ANK1: variants seen among roughly 807,000 people sequenced by gnomAD.
ANK1 encodes the protein ankyrin-1.
A neutral mutation model predicts 210.4 loss-of-function variants in ANK1; 51 were observed. The observed-to-expected ratio is 0.24, with a 90% CI of 0.19 to 0.31. The LOEUF is 0.31. ANK1 is among the 10% of genes least tolerant of loss of function. The pLI is 1.00. For synonymous variants in ANK1, 967 were observed against 1,025.9 expected, an observed-to-expected ratio of 0.94 and a Z score of 1.10; for missense variants, 2,051 against 2,504.4, an observed-to-expected ratio of 0.82 and a Z score of 3.86.
At position 41,715,863 on chromosome 8, in the gene ANK1, G is replaced by A; in HGVS notation, c.1405-14C>T. The stretch of plus-strand genomic sequence containing the variant: ...GGTCTGGTCATCCTGGACCCCGAAG[G>A]GAAAACAAAGAAGAAGAAACGCTAA... On this transcript the variant is annotated splice_polypyrimidine_tract_variant and intron_variant, in intron 13 of 42. Coordinates refer to ENST00000289734, the MANE Select transcript of ANK1 (RefSeq NM_000037.4). The A allele has an allele frequency of 1.2e-6, 2 of 1,614,114 alleles. No individual in the cohort carries two copies. Among genetic ancestry groups the A allele is most frequent in the South Asian group, 1.1e-5 (1 of 91,084 alleles).
rs1271715801 is a variant in ANK1, at chr8:41,696,404, G to A, written c.2919C>T (p.Ser973=). The A allele has an allele frequency of 6.2e-7, 1 of 1,613,346 alleles. No homozygotes were observed. The highest frequency in any genetic ancestry group is 8.5e-7 in the Non-Finnish European group (1 of 1,179,918). ...PPLAEEEGLA[S]RIIALGPTGA... ...CCGTGGGCCCCAGTGCTATGATCCT[G>A]CTGGCCAGGCCCTCCTCCTCGGCCA... is the stretch of plus-strand genomic sequence containing the variant. The change falls in exon 26 of 43, where the codon AGC becomes AGT. Residue 973 remains serine (S), a synonymous_variant. Coordinates refer to ENST00000289734, the MANE Select transcript of ANK1 (RefSeq NM_000037.4).
rs1299344771 is a variant in ANK1 at position 41,715,727 on chromosome 8, A to T, written c.1527T>A (p.Ile509=). Reference sequence around the variant, plus strand: ...TTTCCACATGGCCCTCACGGGCTGCAATGTGCAGGGGGGTGTGCCCGGCGG... The same window carrying T: ...TTTCCACATGGCCCTCACGGGCTGCTATGTGCAGGGGGGTGTGCCCGGCGG... ...ATTAGHTPLH[I]AAREGHVETV... The change falls in exon 14 of 43, where the codon ATT becomes ATA. Residue 509 remains isoleucine, a synonymous_variant. Coordinates refer to ENST00000289734, the MANE Select transcript of ANK1 (RefSeq NM_000037.4). The T allele has an allele frequency of 1.2e-6, 2 of 1,614,214 alleles. No individual in the cohort carries two copies. The highest frequency in any genetic ancestry group is 1.7e-6 in the Non-Finnish European group (2 of 1,180,040).
chr8:41,887,644 G>A (rs1474316092), intron 1 of ANK1, among the ~76,000 whole-genome samples: 4 of 152,148 alleles, frequency 2.6e-5, no homozygotes, highest in African/African-American at 9.7e-5. Flanking sequence ...GATGACCACT[G>A]CTCACATAGT....
chr8:41,745,156 AG>A (rs920248428), intron 2 of ANK1, among the ~76,000 whole-genome samples: 1 of 152,106 alleles, frequency 6.6e-6, no homozygotes, highest in African/African-American at 2.4e-5. Context: ...GAGCGGAGGG[AG>A]AAAGAAGAAG....
intron 1 of ANK1, among the ~76,000 whole-genome samples, chr8:41,825,109 C>T (rs1481960113): frequency 6.6e-6 from 1 of 152,260 alleles, no homozygotes; most frequent in Non-Finnish European, 1.5e-5. Flanking sequence ...AGCCCGGCTA[C>T]TTCCAGGTGG....
chr8:41,836,417 A>G (rs929444910), intron 1 of ANK1, among the ~76,000 whole-genome samples: 1 of 152,184 alleles, frequency 6.6e-6, no homozygotes, highest in Non-Finnish European at 1.5e-5. Context: ...GTGACTAGAG[A>G]GGAGGAACTC....
At chr8:41,762,585 G>A (rs1840729896) in intron 1 of ANK1, among the ~76,000 whole-genome samples, 1 of 152,096 alleles carries the variant, frequency 6.6e-6, no homozygotes, top group East Asian at 1.9e-4. Context: ...GGCATCTGTG[G>A]GGCAGGAAAT....
chr8:41,889,839 AGCTT>A (rs954729850), intron 1 of ANK1, among the ~76,000 whole-genome samples: 1 of 152,262 alleles, frequency 6.6e-6, no homozygotes, highest in Non-Finnish European at 1.5e-5. Flanking sequence ...ACTTCAATAA[AGCTT>A]GCAAGTATCT....
At chr8:41,839,059 A>G (rs1297394511) in intron 1 of ANK1, among the ~76,000 whole-genome samples, 1 of 152,140 alleles carries the variant, frequency 6.6e-6, no homozygotes. Context: ...CCTGGGTGAC[A>G]GAGTGAGACT....
intron 1 of ANK1, among the ~76,000 whole-genome samples, chr8:41,885,814 A>G (rs1027161426): frequency 6.6e-6 from 1 of 152,224 alleles, no homozygotes; most frequent in Admixed American, 6.5e-5. Context: ...GTGCAACTCT[A>G]TGGATGTTTC....
rs1047563005 is a variant in ANK1, at chr8:41,757,967, G to A, written c.129+69C>T. 4 of 1,402,198 alleles carry A rather than the reference G, an allele frequency of 2.9e-6. No individual in the cohort carries two copies. In the African/African-American group the frequency reaches 4.2e-5, roughly 15 times the overall value. The allele number at this position is 1,402,198 out of a possible 1,614,324, so 86.9% of individuals were successfully genotyped here. On this transcript the variant is annotated intron_variant, in intron 2 of 42. Coordinates refer to ENST00000289734, the MANE Select transcript of ANK1 (RefSeq NM_000037.4). ...AAAGGTTAATAGAGGCAGTTTCAAA[G>A]CTCTCAGGAAATGGCATCAGGCAAG...
chr8:41,720,309 T>A (rs1481604533), intron 9 of ANK1, among the ~76,000 whole-genome samples: 3 of 152,134 alleles, frequency 2.0e-5, no homozygotes, highest in Non-Finnish European at 2.9e-5. Context: ...GTAACACACA[T>A]CATGGTCCCT....
At chr8:41,802,926 A>AAAGG (rs1850117607) in intron 1 of ANK1, among the ~76,000 whole-genome samples, 1 of 113,404 alleles carries the variant, frequency 8.8e-6, no homozygotes, top group South Asian at 4.3e-4. Flanking sequence ...AGAAAGAAAG[A>AAAGG]AAGAGAGAAA....
intron 1 of ANK1, chr8:41,896,242 C>T (rs1027412298): frequency 1.4e-5 from 19 of 1,364,162 alleles, no homozygotes; most frequent in Non-Finnish European, 1.8e-5. Context: ...GTGCCGCCAA[C>T]TCCGCCGCAC....
upstream of ANK1, chr8:41,797,648 G>C: frequency 6.0e-6 from 9 of 1,506,238 alleles, no homozygotes; most frequent in South Asian, 1.3e-5. This position sits in a 1 kb window ranked among gnomAD's most constrained non-coding sequence, Gnocchi z 4.0. Context: ...TGCGGGCCAG[G>C]CCCCCGAGGG....
At chr8:41,849,199 G>C (rs1810691867) in intron 1 of ANK1, among the ~76,000 whole-genome samples, 1 of 152,190 alleles carries the variant, frequency 6.6e-6, no homozygotes, top group Non-Finnish European at 1.5e-5. Context: ...AAACCTTCTG[G>C]GTGAGGCTGC....
In ANK1 at chr8:41,684,599, C is replaced by T; in HGVS notation, c.4482G>A (p.Lys1494=). The change falls in exon 37 of 43, where the codon AAG becomes AAA. Residue 1494 remains lysine, a synonymous_variant. Coordinates refer to ENST00000289734, the MANE Select transcript of ANK1 (RefSeq NM_000037.4). ...CGCGGTCGGTGTGCCGCCTGTCTGG[C>T]TTCAAGTTGCGGCTCTGTCGGCCGG... ...EGSGRQSRNL[K]PDRRHTDRDY... is the part of the protein sequence containing the mutation. The T allele has an allele frequency of 1.2e-6, 2 of 1,613,908 alleles. No homozygotes were observed. The highest frequency in any genetic ancestry group is 2.2e-5 in the South Asian group (2 of 91,084).
chr8:41,783,297 C>A (rs1477032680), intron 1 of ANK1, among the ~76,000 whole-genome samples: 1 of 152,214 alleles, frequency 6.6e-6, no homozygotes, highest in Non-Finnish European at 1.5e-5. Flanking sequence ...TGATCAAATA[C>A]TTCCCTCTTT....
chr8:41,871,964 G>C (rs1052236908), intron 1 of ANK1, among the ~76,000 whole-genome samples: 1 of 152,264 alleles, frequency 6.6e-6, no homozygotes, highest in East Asian at 1.9e-4. Context: ...GGGAGGGTCC[G>C]GGCCAGGCAC....
Sources: allele counts gnomAD v4.1 joint callset (sites outside exome capture counted in the v4.1 genomes callset), GRCh38; gene constraint gnomAD v4.1.1; non-coding constraint Gnocchi (gnomAD v3.1); transcripts MANE v1.5; gene names NCBI Gene and HGNC (gene_info 2026-07-23, HGNC 2026-07-21).